Variants in TBC1D1 observed in about 807,000 individuals in gnomAD.
The protein encoded by TBC1D1 is TBC1 domain family member 1, also known as TBC1 (tre-2/USP6, BUB2, cdc16) domain family, member 1.
Under a neutral mutation model 125.6 loss-of-function variants are expected in TBC1D1, and 89 were observed. The ratio of observed to expected loss-of-function variants is 0.71; its 90% confidence interval spans 0.60 to 0.85. The LOEUF (loss-of-function observed/expected upper bound fraction) is 0.85. TBC1D1 is among the 40% of genes least tolerant of loss of function. TBC1D1 has a pLI of 0.00. For synonymous variants in TBC1D1, 565 were observed against 564.1 expected (o/e 1.00, Z -0.02); for missense variants, 1,377 against 1,469.2 (o/e 0.94, Z 1.03).
chr4:38,063,041 C>G (rs1753059368), intron 12 of TBC1D1, among the ~76,000 whole-genome samples: 1 of 152,172 alleles, frequency 6.6e-6, no homozygotes, highest in Non-Finnish European at 1.5e-5. Flanking sequence ...GAGTGTGTGC[C>G]TGTGTGCCTG....
intron 2 of TBC1D1, among the ~76,000 whole-genome samples, chr4:37,910,211 T>C (rs904538236): frequency 6.6e-6 from 1 of 152,222 alleles, no homozygotes; most frequent in African/African-American, 2.4e-5. Context: ...TCCCTAAGAA[T>C]AGACTTTACA....
At chr4:37,909,721 T>G (rs558056517) in intron 2 of TBC1D1, among the ~76,000 whole-genome samples, 1 of 152,338 alleles carries the variant, frequency 6.6e-6, no homozygotes, top group African/African-American at 2.4e-5. Flanking sequence ...GTAATGATTC[T>G]GAGGGGGTCT....
chr4:38,020,698 G>A lies in TBC1D1; in HGVS notation c.1077+3G>A. ...TTCAGTGCACAAATGAGGCTCTGGTGAGAGAGGACAAGCAATTCTTACCTT... is the reference window on the plus strand; with the variant it reads ...TTCAGTGCACAAATGAGGCTCTGGTAAGAGAGGACAAGCAATTCTTACCTT... On this transcript the variant is annotated splice_donor_region_variant and intron_variant, in intron 5 of 19. Transcript: ENST00000261439. The A allele has an allele frequency of 6.2e-7, 1 of 1,610,594 alleles. No homozygotes were observed. The highest frequency in any genetic ancestry group is 8.5e-7 in the Non-Finnish European group (1 of 1,177,564).
At chr4:37,928,731 G>A (rs1400643541) in intron 2 of TBC1D1, among the ~76,000 whole-genome samples, 1 of 152,162 alleles carries the variant, frequency 6.6e-6, no homozygotes, top group Non-Finnish European at 1.5e-5. Flanking sequence ...CTCCTCAGTG[G>A]GTGGCCAGAA....
At chr4:37,919,186 G>A (rs1443697773) in intron 2 of TBC1D1, among the ~76,000 whole-genome samples, 1 of 151,648 alleles carries the variant, frequency 6.6e-6, no homozygotes, top group African/African-American at 2.4e-5. Context: ...ATTTTATTTT[G>A]GGATGAAGTC....
intron 17 of TBC1D1, among the ~76,000 whole-genome samples, chr4:38,124,197 C>CTT (rs202121144): frequency 0.014 from 1,071 of 77,340 alleles, 13 homozygotes; most frequent in African/African-American, 0.052. Flanking sequence ...CGTGGCTCTG[C>CTT]TTTAACCCCA....
Position 38,115,895 on chromosome 4 carries a change from T to A in TBC1D1, c.2743T>A (p.Phe915Ile). ...GGAAGAGGCGTTTAAAATGCTCAAG[T>A]TTCTGATGTTTGACATGGGGCTGCG... Residue 915 changes from phenylalanine to isoleucine, a missense_variant, in exon 16 of 20, where the codon TTT (phenylalanine) becomes ATT (isoleucine). Around this residue, in one of 3 missense-constraint regions of TBC1D1, gnomAD observed 543 missense variants for 613.5 expected, o/e 0.89. Transcript: ENST00000261439. 1 of 1,614,182 alleles carries A rather than the reference T, an allele frequency of 6.2e-7. No individual in the cohort carries two copies. Among genetic ancestry groups the A allele is most frequent in the Non-Finnish European group, 8.5e-7 (1 of 1,180,018 alleles).
Position 38,014,777 on chromosome 4 carries a change from G to C in TBC1D1, c.686G>C (p.Arg229Pro). The change falls in exon 3 of 20, where the codon CGC becomes CCC. Residue 229 changes from arginine to proline, a missense_variant. Arg to Pro is a moderately radical substitution (Grantham distance 103, BLOSUM62 -2). Transcript: ENST00000261439. This position sits in a 1 kb window ranked among gnomAD's most constrained non-coding sequence, Gnocchi z 5.1. ...CCCACAGGGAGCCAGGAGCCTGTGC[G>C]CAGGCCCATGCGCAAGTCCTTCTCC... 1 of 1,610,496 alleles carries C rather than the reference G, an allele frequency of 6.2e-7. No individual in the cohort carries two copies. Among genetic ancestry groups the C allele is most frequent in the South Asian group, 1.1e-5 (1 of 90,938 alleles).
chr4:37,922,621 C>T (rs538080745), intron 2 of TBC1D1, among the ~76,000 whole-genome samples: 2 of 152,346 alleles, frequency 1.3e-5, no homozygotes, highest in African/African-American at 4.8e-5. Flanking sequence ...TCTGCTTATT[C>T]TCAGTTCTTT....
At chr4:38,018,038 G>GT (rs2152432161) in intron 3 of TBC1D1, among the ~76,000 whole-genome samples, 2 of 152,358 alleles carry the variant, frequency 1.3e-5, no homozygotes, top group Non-Finnish European at 2.9e-5. Context: ...CTTTGAAAGA[G>GT]TAGATTCTGT....
rs143491672 is a variant in TBC1D1 at position 37,959,769 on chromosome 4, T to A, written c.418-54740T>A. Reference sequence around the variant, plus strand: ...TAGCCTGGACTAGATTGGGGTTGGGTTGGCAAAGGTATATAGTCATTGCCA... The same window carrying A: ...TAGCCTGGACTAGATTGGGGTTGGGATGGCAAAGGTATATAGTCATTGCCA... On this transcript the variant is annotated intron_variant, in intron 2 of 19. Coordinates refer to ENST00000261439, the MANE Select transcript of TBC1D1 (RefSeq NM_015173.4). 4.7e-3 allele frequency among the ~76,000 whole-genome samples: 712 copies of A among 152,266 alleles called. 5 individuals carry two copies. The highest frequency in any genetic ancestry group is 0.017 in the African/African-American group (694 of 41,540).
intron 2 of TBC1D1, among the ~76,000 whole-genome samples, chr4:37,975,141 G>C (rs997060490): frequency 6.6e-6 from 1 of 152,188 alleles, no homozygotes; most frequent in African/African-American, 2.4e-5. Flanking sequence ...AGACAAAGGG[G>C]CAGGGTAAGG....
intron 2 of TBC1D1, among the ~76,000 whole-genome samples, chr4:38,011,277 TG>T (rs548801190): frequency 1.4e-5 from 2 of 146,666 alleles, no homozygotes; most frequent in Non-Finnish European, 3.0e-5. Flanking sequence ...TGCTTGAACC[TG>T]GGGGGCAGAG....
At chr4:38,102,883 A>C in intron 14 of TBC1D1, 116 bp from the exon 17 acceptor site, 1 of 980,086 alleles carries the variant, frequency 1.0e-6, no homozygotes, top group Non-Finnish European at 1.4e-6. Context: ...TCTGTCTCAA[A>C]AAAAAAAAAA....
intron 7 of TBC1D1, among the ~76,000 whole-genome samples, chr4:38,029,619 A>G (rs183242522): frequency 2.2e-4 from 34 of 152,256 alleles, no homozygotes; most frequent in African/African-American, 7.7e-4. Flanking sequence ...TGCCTGCTTC[A>G]GCCTCCCAAA....
chr4:37,961,657 T>C (rs1228172220), intron 2 of TBC1D1, among the ~76,000 whole-genome samples: 2 of 152,166 alleles, frequency 1.3e-5, no homozygotes, highest in African/African-American at 4.8e-5. Context: ...CAAGACTTAG[T>C]GAGTTTCCTA....
chr4:38,025,461 G>C (rs1048612511), intron 6 of TBC1D1, among the ~76,000 whole-genome samples: 14 of 152,306 alleles, frequency 9.2e-5, no homozygotes, highest in African/African-American at 3.1e-4. Context: ...TTAGAGATGG[G>C]ACCAGAAGGA....
intron 19 of TBC1D1, among the ~76,000 whole-genome samples, chr4:38,135,548 C>T (rs750613453): frequency 7.9e-5 from 12 of 152,346 alleles, no homozygotes; most frequent in Non-Finnish European, 1.8e-4. Context: ...TAATTCACTA[C>T]TAACTAAGCT....
At chr4:37,918,868 T>C (rs575217092) in intron 2 of TBC1D1, among the ~76,000 whole-genome samples, 1 of 152,336 alleles carries the variant, frequency 6.6e-6, no homozygotes, top group South Asian at 2.1e-4. Flanking sequence ...GTACAACACA[T>C]ACTAATTTTA....
Sources: allele counts gnomAD v4.1 joint callset (sites outside exome capture counted in the v4.1 genomes callset), GRCh38; gene constraint gnomAD v4.1.1; regional missense constraint gnomAD v4.1.1; non-coding constraint Gnocchi (gnomAD v3.1); transcripts MANE v1.5; gene names NCBI Gene and HGNC (gene_info 2026-07-23, HGNC 2026-07-21).